The following COL24A1 variants were observed in gnomAD, a reference collection of about 807,000 sequenced individuals.
The protein encoded by COL24A1 is collagen alpha-1(XXIV) chain.
A neutral mutation model predicts 253.9 loss-of-function variants in COL24A1; 224 were observed. The ratio of observed to expected loss-of-function variants is 0.88; its 90% CI spans 0.79 to 0.99. The LOEUF is 0.99. Among genes scored for constraint, COL24A1 ranks in the 50% least tolerant of loss-of-function variants. COL24A1 has a pLI of 0.00. For synonymous variants in COL24A1, 685 were observed against 673.7 expected, an observed-to-expected ratio of 1.02 and a Z score of -0.26; for missense variants, 2,131 against 2,068.5, an observed-to-expected ratio of 1.03 and a Z score of -0.59.
intron 58 of COL24A1, chr1:85,736,342 T>C (rs763908172): frequency 1.8e-5 from 8 of 456,106 alleles, no homozygotes; most frequent in Middle Eastern, 3.2e-4. Flanking sequence ...ACAACTAGAG[T>C]CCGCTTCCCC....
At chr1:85,903,636 G>T (rs1320836955) in intron 28 of COL24A1, among the ~76,000 whole-genome samples, 1 of 152,148 alleles carries the variant, frequency 6.6e-6, no homozygotes, top group Non-Finnish European at 1.5e-5. Context: ...AGCTGTATTA[G>T]TAAGTTCTCA....
intron 26 of COL24A1, among the ~76,000 whole-genome samples, chr1:85,909,546 T>A (rs1428063772): frequency 6.6e-6 from 1 of 151,814 alleles, no homozygotes; most frequent in Admixed American, 6.6e-5. Flanking sequence ...GACCACAAAC[T>A]CATGGAAGAA....
intron 7 of COL24A1, among the ~76,000 whole-genome samples, chr1:86,076,006 C>G (rs1702219796): frequency 6.6e-6 from 1 of 152,170 alleles, no homozygotes; most frequent in Non-Finnish European, 1.5e-5. Context: ...CCCTCTCTCA[C>G]CACTTCTATT....
At chr1:85,956,231 A>T (rs1354384974) in intron 24 of COL24A1, among the ~76,000 whole-genome samples, 1 of 152,210 alleles carries the variant, frequency 6.6e-6, no homozygotes, top group Non-Finnish European at 1.5e-5. Flanking sequence ...GACTAAATGA[A>T]ATTAACAGGC....
chr1:85,995,787 G>A (rs946744792), intron 19 of COL24A1, among the ~76,000 whole-genome samples: 10 of 152,114 alleles, frequency 6.6e-5, no homozygotes, highest in Admixed American at 6.5e-4. Context: ...GATACTGAGT[G>A]CTTGCAAGAT....
chr1:85,835,124 T>C (rs183629939), intron 43 of COL24A1, among the ~76,000 whole-genome samples: 213 of 152,122 alleles, frequency 1.4e-3, no homozygotes, highest in Non-Finnish European at 2.6e-3. Flanking sequence ...CAGAGACATA[T>C]ATATATATAT....
intron 19 of COL24A1, among the ~76,000 whole-genome samples, chr1:86,006,426 A>G (rs1390055683): frequency 1.3e-5 from 2 of 152,262 alleles, no homozygotes; most frequent in Non-Finnish European, 2.9e-5. Context: ...AGTCTTTTCA[A>G]CAAACGGTGC....
At chr1:85,775,751 G>T in intron 52 of COL24A1, 42 bp from the exon 53 acceptor site, 2 of 1,522,966 alleles carry the variant, frequency 1.3e-6, no homozygotes, top group Non-Finnish European at 1.8e-6. Flanking sequence ...GTTATTGATA[G>T]TTACGTATTA....
chr1:86,006,801 A>C (rs894127138), intron 19 of COL24A1, among the ~76,000 whole-genome samples: 4 of 152,184 alleles, frequency 2.6e-5, no homozygotes, highest in Non-Finnish European at 4.4e-5. Context: ...ATTAAAAAAA[A>C]CATTAAAAAA....
intron 28 of COL24A1, among the ~76,000 whole-genome samples, chr1:85,902,385 G>A (rs1263602124): frequency 2.6e-5 from 4 of 152,018 alleles, no homozygotes; most frequent in East Asian, 1.9e-4. Context: ...ACACCCCCTC[G>A]CCAATATATC....
intron 47 of COL24A1, among the ~76,000 whole-genome samples, chr1:85,804,782 G>A (rs1237794991): frequency 1.3e-5 from 2 of 151,986 alleles, no homozygotes; most frequent in African/African-American, 4.8e-5. Flanking sequence ...TACAAGATGA[G>A]ATTTGGGTGG....
At chr1:85,802,150 C>G (rs777769389) in intron 47 of COL24A1, among the ~76,000 whole-genome samples, 1 of 152,172 alleles carries the variant, frequency 6.6e-6, no homozygotes, top group African/African-American at 2.4e-5. Flanking sequence ...ATTTACTATA[C>G]TGAAGCCAGA....
rs1295116943 is a variant in COL24A1 at position 86,022,221 on chromosome 1, A to G, written c.2256+19T>C. On this transcript the variant is annotated intron_variant, in intron 18 of 59. Transcript: ENST00000370571. ...GCACTCTGTCAATTACAAAGAGCAAAGCAAAAGTTCAAACCTACTGAAGGC... is the reference window on the plus strand; with the variant it reads ...GCACTCTGTCAATTACAAAGAGCAAGGCAAAAGTTCAAACCTACTGAAGGC... 6.2e-7 allele frequency: 1 copy of G among 1,610,954 alleles called. No individual in the cohort carries two copies. Among genetic ancestry groups the G allele is most frequent in the Non-Finnish European group, 8.5e-7 (1 of 1,177,320 alleles).
chr1:86,040,221 A>AT (rs574759232), intron 12 of COL24A1, among the ~76,000 whole-genome samples: 14 of 152,144 alleles, frequency 9.2e-5, no homozygotes, highest in African/African-American at 3.4e-4. Context: ...AGAGAATATA[A>AT]TCCCTGAGCC....
intron 6 of COL24A1, among the ~76,000 whole-genome samples, chr1:86,091,479 A>C (rs1703486245): frequency 6.6e-6 from 1 of 152,082 alleles, no homozygotes; most frequent in Admixed American, 6.5e-5. Flanking sequence ...GGGATTTTTA[A>C]AGTTTGTGAA....
intron 24 of COL24A1, among the ~76,000 whole-genome samples, chr1:85,932,148 CA>C (rs1335526350): frequency 2.2e-5 from 2 of 92,836 alleles, no homozygotes; most frequent in Non-Finnish European, 4.4e-5. Flanking sequence ...AGTGAACAGG[CA>C]ACCTACAACA....
At position 86,079,162 on chromosome 1, in the gene COL24A1, T is replaced by C. The variant is rs538580777; in HGVS notation, c.1707+10012A>G. Among the ~76,000 whole-genome samples, 3 of 152,166 alleles carry C rather than the reference T, an allele frequency of 2.0e-5. No homozygotes were observed. In the South Asian group the frequency reaches 6.2e-4, roughly 32 times the overall value. Reference sequence around the variant, plus strand: ...CAGAAATAAATCCACACACCTACAGTGAACTCATTTTCGACAAAGTTGCCA... The same window carrying C: ...CAGAAATAAATCCACACACCTACAGCGAACTCATTTTCGACAAAGTTGCCA... On this transcript the variant is annotated intron_variant, in intron 7 of 59. Transcript: ENST00000370571.
intron 19 of COL24A1, among the ~76,000 whole-genome samples, chr1:86,012,791 A>G (rs745432045): frequency 3.3e-5 from 5 of 152,080 alleles, no homozygotes; most frequent in Non-Finnish European, 5.9e-5. Context: ...ATCCTCTATG[A>G]GGGCATACAT....
chr1:85,807,125 T>C lies in COL24A1; in HGVS notation c.3951+9663A>G, dbSNP rs576944790. Among the ~76,000 whole-genome samples, 12 of 152,316 alleles carry C rather than the reference T, an allele frequency of 7.9e-5. No homozygotes were observed. The East Asian group carries it at 1.4e-3, about 17-fold the overall frequency. On this transcript the variant is annotated intron_variant, in intron 47 of 59. Transcript: ENST00000370571. ...TGGAGGCAGCCCCTACTCAAGTGCC[T>C]GGGAACACCATTAATAGTCCAGTAG...
Sources: allele counts gnomAD v4.1 joint callset (sites outside exome capture counted in the v4.1 genomes callset), GRCh38; gene constraint gnomAD v4.1.1; transcripts MANE v1.5; gene names NCBI Gene and HGNC (gene_info 2026-07-23, HGNC 2026-07-21).